Variants in TMEM132B observed in about 807,000 individuals in gnomAD.
TMEM132B encodes the protein transmembrane protein 132B.
Under a neutral mutation model 90.8 loss-of-function variants are expected in TMEM132B, and 18 were observed. The ratio of observed to expected loss-of-function variants is 0.20; its 90% CI spans 0.14 to 0.29. The LOEUF (loss-of-function observed/expected upper bound fraction) is 0.29. Ranked by LOEUF, TMEM132B falls within the 10% of genes least tolerant of loss-of-function variation. The probability of loss-of-function intolerance (pLI) is 1.00; values close to 1 mark genes in which losing one functional copy is unlikely to be tolerated. For missense variants in TMEM132B, 1,096 were observed against 1,326.8 expected (o/e 0.83, Z 2.70); for synonymous variants, 504 against 523.3 (o/e 0.96, Z 0.50).
intron 2 of TMEM132B, among the ~76,000 whole-genome samples, chr12:125,376,126 T>C (rs1878472615): frequency 6.6e-6 from 1 of 152,214 alleles, no homozygotes; most frequent in African/African-American, 2.4e-5. Context: ...CTAATCTCCT[T>C]GTCTGATGGC....
In TMEM132B at chr12:125,653,569, C is replaced by T; in HGVS notation, c.2111C>T (p.Ala704Val). ...CTTTGGTTTCATTTTCCTCAGGAAG[C>T]AATAGTAAGTTCTTGGATTTTGTTC... ...LDVLQSPQQE[A>V]IVSSWILFSD... is the part of the protein sequence containing the mutation. Residue 704 changes from alanine (A) to valine (V), a missense_variant, in exon 9 of 9, where the codon GCA (alanine) becomes GTA (valine). Transcript: ENST00000682704. 6.2e-7 allele frequency: 1 copy of T among 1,600,834 alleles called. No individual in the cohort carries two copies. Among genetic ancestry groups the T allele is most frequent in the Non-Finnish European group, 8.5e-7 (1 of 1,169,738 alleles).
At chr12:125,641,124 C>T (rs1318729155) in intron 5 of TMEM132B, among the ~76,000 whole-genome samples, 2 of 152,164 alleles carry the variant, frequency 1.3e-5, no homozygotes, top group Non-Finnish European at 2.9e-5. Context: ...CTCCACTGCC[C>T]CCTATATTGT....
At chr12:125,325,417 A>G (rs1266352106) in intron 1 of TMEM132B, among the ~76,000 whole-genome samples, 2 of 152,198 alleles carry the variant, frequency 1.3e-5, no homozygotes, top group South Asian at 2.1e-4. Context: ...TTTTGGATCT[A>G]ACTGTTTGGA....
At chr12:125,452,454 T>G (rs1472974772) in intron 3 of TMEM132B, among the ~76,000 whole-genome samples, 2 of 152,250 alleles carry the variant, frequency 1.3e-5, no homozygotes, top group African/African-American at 4.8e-5. Flanking sequence ...CATACTTGCA[T>G]GTGTCTCCCT....
At chr12:125,353,758 G>A (rs1877674274) in intron 2 of TMEM132B, among the ~76,000 whole-genome samples, 1 of 152,162 alleles carries the variant, frequency 6.6e-6, no homozygotes, top group African/African-American at 2.4e-5. Flanking sequence ...TAACAGACAA[G>A]GAGGGGCCCA....
At chr12:125,464,928 T>A (rs1881525817) in intron 3 of TMEM132B, among the ~76,000 whole-genome samples, 2 of 152,252 alleles carry the variant, frequency 1.3e-5, no homozygotes, top group African/African-American at 4.8e-5. Flanking sequence ...TCCATGTCAT[T>A]GTATCTCATT....
At chr12:125,405,986 C>T (rs1879462864) in intron 2 of TMEM132B, among the ~76,000 whole-genome samples, 2 of 152,278 alleles carry the variant, frequency 1.3e-5, no homozygotes, top group South Asian at 4.1e-4. Flanking sequence ...GTATTGTCTT[C>T]AGATGGTTGT....
chr12:125,190,279 A>G (rs1026863905), intron 1 of TMEM132B, among the ~76,000 whole-genome samples: 2 of 152,218 alleles, frequency 1.3e-5, no homozygotes, highest in African/African-American at 4.8e-5. Context: ...ACTCCATACA[A>G]GGATCCCAAG....
intron 1 of TMEM132B, among the ~76,000 whole-genome samples, chr12:125,289,747 T>A (rs879832314): frequency 2.6e-5 from 4 of 152,238 alleles, no homozygotes; most frequent in African/African-American, 9.6e-5. Flanking sequence ...GTCACTTGAC[T>A]GAGGTCACAC....
intron 4 of TMEM132B, among the ~76,000 whole-genome samples, chr12:125,529,917 T>C (rs1883599056): frequency 6.6e-6 from 1 of 152,226 alleles, no homozygotes; most frequent in South Asian, 2.1e-4. Flanking sequence ...ACGTTATCTT[T>C]CTATGTATCT....
intron 5 of TMEM132B, among the ~76,000 whole-genome samples, chr12:125,615,871 A>C (rs1885973627): frequency 6.6e-6 from 1 of 152,216 alleles, no homozygotes; most frequent in African/African-American, 2.4e-5. Context: ...GATTAATAGG[A>C]GAAAAGTCAT....
At chr12:125,243,209 T>A (rs1272858440) in intron 1 of TMEM132B, among the ~76,000 whole-genome samples, 1 of 151,444 alleles carries the variant, frequency 6.6e-6, no homozygotes, top group African/African-American at 2.4e-5. Context: ...AGTGGCATGA[T>A]CTTGGCTCAC....
In TMEM132B at chr12:125,277,316, T is replaced by A. The variant is rs1384300598; in HGVS notation, c.68-72136T>A. ...CAACATGGTGAAACCCTGTCTCTACTAAAAATACAAAAATTAGCTGGGCGT... is the reference window on the plus strand; with the variant it reads ...CAACATGGTGAAACCCTGTCTCTACAAAAAATACAAAAATTAGCTGGGCGT... On this transcript the variant is annotated intron_variant, in intron 1 of 8. Coordinates refer to ENST00000682704, the MANE Select transcript of TMEM132B (RefSeq NM_001366854.1). This position sits in a 1 kb window ranked among gnomAD's most constrained non-coding sequence, Gnocchi z 4.3. 4.0e-5 allele frequency among the ~76,000 whole-genome samples: 6 copies of A among 151,842 alleles called. No homozygotes were observed. Among genetic ancestry groups the A allele is most frequent in the African/African-American group, 1.5e-4 (6 of 41,330 alleles).
chr12:125,215,075 C>G (rs1337187369), intron 1 of TMEM132B, among the ~76,000 whole-genome samples: 1 of 152,216 alleles, frequency 6.6e-6, no homozygotes. Context: ...TTGCCAGCCT[C>G]TTGGTGCTAC....
intron 4 of TMEM132B, among the ~76,000 whole-genome samples, chr12:125,542,879 T>G (rs1434097373): frequency 6.6e-6 from 1 of 152,222 alleles, no homozygotes; most frequent in East Asian, 1.9e-4. Context: ...TTTTGGTATC[T>G]TATTATACAG....
At chr12:125,298,161 T>G (rs1027257804) in intron 1 of TMEM132B, among the ~76,000 whole-genome samples, 1 of 151,994 alleles carries the variant, frequency 6.6e-6, no homozygotes, top group South Asian at 2.1e-4. Context: ...GAGGCTGAGG[T>G]GGATCACTTG....
chr12:125,524,350 G>A (rs748490756), intron 4 of TMEM132B, among the ~76,000 whole-genome samples: 20 of 152,200 alleles, frequency 1.3e-4, no homozygotes, highest in Middle Eastern at 3.2e-3. Flanking sequence ...AGCCAGTTTC[G>A]TTATCCTATT....
intron 3 of TMEM132B, among the ~76,000 whole-genome samples, chr12:125,427,175 G>C (rs1880341622): frequency 6.6e-6 from 1 of 152,160 alleles, no homozygotes; most frequent in South Asian, 2.1e-4. Flanking sequence ...AGTATGGGAG[G>C]GTGCATCTGG....
At chr12:125,448,529 T>C (rs1881064322) in intron 3 of TMEM132B, among the ~76,000 whole-genome samples, 1 of 152,224 alleles carries the variant, frequency 6.6e-6, no homozygotes, top group Non-Finnish European at 1.5e-5. Flanking sequence ...ATGCTGTGTA[T>C]ATCAGTATTC....
Sources: gnomAD v4.1 joint callset for allele counts (sites outside exome capture counted in the v4.1 genomes callset) on GRCh38, gnomAD v4.1.1 for gene constraint, Gnocchi (gnomAD v3.1) non-coding constraint, MANE v1.5 for transcripts, NCBI Gene and HGNC (gene_info 2026-07-23, HGNC 2026-07-21) for gene names.